The following TNRC6B variants were observed in gnomAD, a reference collection of about 807,000 sequenced individuals.
TNRC6B encodes trinucleotide repeat containing adaptor 6B.
TNRC6B carries 52 observed loss-of-function variants against 203.6 expected under a neutral mutation model. The ratio of observed to expected loss-of-function variants is 0.26; its 90% confidence interval spans 0.20 to 0.32. The LOEUF (loss-of-function observed/expected upper bound fraction) is 0.32. TNRC6B is among the 10% of genes least tolerant of loss of function. TNRC6B has a pLI of 1.00. For synonymous variants in TNRC6B, 838 were observed against 845.7 expected, an observed-to-expected ratio of 0.99 and a Z score of 0.16; for missense variants, 1,923 against 2,286.2, an observed-to-expected ratio of 0.84 and a Z score of 3.24.
At chr22:40,139,967 C>T (rs1465419834) in intron 3 of TNRC6B, among the ~76,000 whole-genome samples, 1 of 152,138 alleles carries the variant, frequency 6.6e-6, no homozygotes, top group Non-Finnish European at 1.5e-5. Flanking sequence ...AACGTTTTAG[C>T]CCCCACAGTT....
intron 1 of TNRC6B, among the ~76,000 whole-genome samples, chr22:40,111,671 A>AT (rs1448598307): frequency 6.6e-6 from 1 of 152,124 alleles, no homozygotes; most frequent in Non-Finnish European, 1.5e-5. Context: ...GGGTTGTTTT[A>AT]TTTTAGGGCC....
At chr22:40,262,577 T>A (rs2070403179) in intron 4 of TNRC6B, among the ~76,000 whole-genome samples, 1 of 152,220 alleles carries the variant, frequency 6.6e-6, no homozygotes, top group Admixed American at 6.5e-5. Flanking sequence ...GAGAAAATGA[T>A]TTGCTACATT....
At chr22:40,134,940 G>GC (rs1413882705) in intron 3 of TNRC6B, among the ~76,000 whole-genome samples, 1 of 152,162 alleles carries the variant, frequency 6.6e-6, no homozygotes, top group Non-Finnish European at 1.5e-5. Flanking sequence ...GCTCACTAGG[G>GC]CAGTTCTTCT....
chr22:40,091,138 C>T (rs571768860), intron 1 of TNRC6B, among the ~76,000 whole-genome samples: 150 of 152,206 alleles, frequency 9.9e-4, no homozygotes, highest in African/African-American at 3.3e-3. Flanking sequence ...CCCGCCACCA[C>T]ACCCGCATAA....
intron 2 of TNRC6B, among the ~76,000 whole-genome samples, chr22:40,121,248 T>G (rs905966927): frequency 1.4e-5 from 2 of 142,714 alleles, no homozygotes; most frequent in Admixed American, 6.9e-5. Context: ...CCTTCCGTCC[T>G]TCCTTCCTTC....
At chr22:40,046,139 A>T (rs561489250) in intron 1 of TNRC6B, among the ~76,000 whole-genome samples, 2 of 152,364 alleles carry the variant, frequency 1.3e-5, no homozygotes, top group African/African-American at 4.8e-5. Flanking sequence ...GCATTTTGTG[A>T]AAGTTTACTA....
At chr22:40,235,418 T>C (rs1168175394) in intron 1 of TNRC6B, among the ~76,000 whole-genome samples, 3 of 152,094 alleles carry the variant, frequency 2.0e-5, no homozygotes, top group Non-Finnish European at 2.9e-5. Context: ...GTTACAGGGG[T>C]AGGCTCCAGG....
At chr22:40,283,933 C>T (rs2070751171) in intron 11 of TNRC6B, among the ~76,000 whole-genome samples, 1 of 152,188 alleles carries the variant, frequency 6.6e-6, no homozygotes, top group South Asian at 2.1e-4. Flanking sequence ...GTCCAAGGAC[C>T]AGTCGTGAAT....
At chr22:40,104,787 C>T (rs1274064394) in intron 1 of TNRC6B, among the ~76,000 whole-genome samples, 1 of 152,170 alleles carries the variant, frequency 6.6e-6, no homozygotes, top group African/African-American at 2.4e-5. Context: ...AAAAATTTTA[C>T]ATATGTTTAC....
chr22:40,264,437 C>T (rs1244274552), intron 4 of TNRC6B, among the ~76,000 whole-genome samples: 3 of 152,084 alleles, frequency 2.0e-5, no homozygotes, highest in African/African-American at 7.2e-5. Context: ...TACAAGAAGG[C>T]CCTTCTCTGT....
chr22:40,110,282 T>C (rs1279831556), intron 1 of TNRC6B, among the ~76,000 whole-genome samples: 1 of 152,242 alleles, frequency 6.6e-6, no homozygotes, highest in Non-Finnish European at 1.5e-5. Flanking sequence ...TTATTACCTC[T>C]AATCTGCTTA....
At chr22:40,164,019 C>G (rs1016828510) in intron 4 of TNRC6B, among the ~76,000 whole-genome samples, 1 of 151,780 alleles carries the variant, frequency 6.6e-6, no homozygotes, top group African/African-American at 2.4e-5. Context: ...AAGTTCCCAT[C>G]GACTGTTAAG....
chr22:40,112,244 T>G (rs556440950), intron 1 of TNRC6B, among the ~76,000 whole-genome samples: 6 of 152,030 alleles, frequency 3.9e-5, no homozygotes, highest in African/African-American at 1.2e-4. Context: ...GACCAAGAGG[T>G]AGCAAAAGTA....
Position 40,238,912 on chromosome 22 carries a change from G to A in TNRC6B, c.6-7103G>A, listed in dbSNP as rs1025321753. ...CAGATCTCCAGTGCTTAGAAAAAGT[G>A]CCTGGCTCGGCTGGGCGCAGTGGCT... On this transcript the variant is annotated intron_variant, in intron 1 of 22. Coordinates refer to ENST00000454349, the MANE Select transcript of TNRC6B (RefSeq NM_001162501.2). Among the ~76,000 whole-genome samples, 8 of 152,334 alleles carry A rather than the reference G, an allele frequency of 5.3e-5. No homozygotes were observed. The East Asian group carries it at 1.5e-3, about 29-fold the overall frequency.
intron 3 of TNRC6B, among the ~76,000 whole-genome samples, chr22:40,253,274 T>G (rs1486653588): frequency 6.7e-6 from 1 of 150,264 alleles, no homozygotes; most frequent in Non-Finnish European, 1.5e-5. Context: ...GTATTTTTAG[T>G]AGAGACGGGG....
intron 1 of TNRC6B, among the ~76,000 whole-genome samples, chr22:40,084,237 C>T (rs1162647101): frequency 6.6e-6 from 1 of 152,042 alleles, no homozygotes; most frequent in Admixed American, 6.6e-5. Flanking sequence ...TAGAAGGACC[C>T]ATGGCAGTTG....
intron 3 of TNRC6B, among the ~76,000 whole-genome samples, chr22:40,128,255 G>A (rs1007897759): frequency 7.2e-5 from 11 of 151,944 alleles, no homozygotes; most frequent in East Asian, 1.9e-4. Flanking sequence ...ATCTCATCTC[G>A]CAGGGGTCAG....
intron 1 of TNRC6B, among the ~76,000 whole-genome samples, chr22:40,238,287 C>T (rs555756480): frequency 2.0e-5 from 3 of 152,042 alleles, no homozygotes; most frequent in Admixed American, 6.6e-5. Flanking sequence ...GCCAGCCCCC[C>T]GATAGCAAGG....
Position 40,147,260 on chromosome 22 carries a change from CAG to C in TNRC6B, c.46-8853_46-8852del, listed in dbSNP as rs148259915. Among the ~76,000 whole-genome samples, 825 of 152,024 alleles carry C rather than the reference CAG, an allele frequency of 5.4e-3. 9 individuals carry two copies. Among genetic ancestry groups the C allele is most frequent in the African/African-American group, 0.019 (793 of 41,370 alleles). On this transcript the variant is annotated intron_variant, in intron 3 of 23. Coordinates refer to the TNRC6B transcript ENST00000301923. ...ACTGGAGGAGTCAGAGTCATAGAGACAGAAAGTGGAATGGTGCTTGTTAGGGA... is the reference window on the plus strand; with the variant it reads ...ACTGGAGGAGTCAGAGTCATAGAGACAAAGTGGAATGGTGCTTGTTAGGGA...
Sources: allele counts gnomAD v4.1 joint callset (sites outside exome capture counted in the v4.1 genomes callset), GRCh38; gene constraint gnomAD v4.1.1; transcripts MANE v1.5; gene names NCBI Gene and HGNC (gene_info 2026-07-23, HGNC 2026-07-21).